The following CSMD3 variants were observed in gnomAD, a reference collection of about 807,000 sequenced individuals.
CSMD3 encodes CUB and Sushi multiple domains 3.
A neutral mutation model predicts 435.2 loss-of-function variants in CSMD3; 177 were observed. The ratio of observed to expected loss-of-function variants is 0.41; its 90% CI spans 0.36 to 0.46. The LOEUF (loss-of-function observed/expected upper bound fraction) is 0.46. CSMD3 is among the 20% of genes least tolerant of loss of function. The pLI is 0.34. For missense variants in CSMD3, 4,265 were observed against 4,504.6 expected, an observed-to-expected ratio of 0.95 and a Z score of 1.52; for synonymous variants, 1,656 against 1,520.5, an observed-to-expected ratio of 1.09 and a Z score of -2.07.
At chr8:112,235,255 G>A (rs1476234923) in intron 67 of CSMD3, among the ~76,000 whole-genome samples, 3 of 152,102 alleles carry the variant, frequency 2.0e-5, no homozygotes, top group African/African-American at 4.8e-5. Flanking sequence ...ATGGTGGCAC[G>A]CACCTGTAGT....
At chr8:112,424,223 A>G (rs911971254) in intron 32 of CSMD3, among the ~76,000 whole-genome samples, 2 of 152,200 alleles carry the variant, frequency 1.3e-5, no homozygotes, top group African/African-American at 4.8e-5. Context: ...AATAGAGGAA[A>G]AAAATAGTTT....
At chr8:112,569,894 T>C (rs1326956725) in intron 24 of CSMD3, among the ~76,000 whole-genome samples, 1 of 152,166 alleles carries the variant, frequency 6.6e-6, no homozygotes, top group African/African-American at 2.4e-5. Context: ...CTTTATGAAG[T>C]CTTACCTGAT....
intron 58 of CSMD3, among the ~76,000 whole-genome samples, chr8:112,284,990 T>TC (rs1400546754): frequency 6.6e-6 from 1 of 152,044 alleles, no homozygotes; most frequent in Non-Finnish European, 1.5e-5. Context: ...TTGAATTTTT[T>TC]CTATAGGTTA....
chr8:112,397,944 T>C (rs994439315), intron 35 of CSMD3, among the ~76,000 whole-genome samples: 1 of 152,342 alleles, frequency 6.6e-6, no homozygotes, highest in African/African-American at 2.4e-5. Flanking sequence ...CTAAATATCA[T>C]GTCAATCACA....
chr8:113,250,054 T>A (rs952124509), intron 3 of CSMD3, among the ~76,000 whole-genome samples: 4 of 152,130 alleles, frequency 2.6e-5, no homozygotes, highest in African/African-American at 9.6e-5. Context: ...CAGGTTCTTT[T>A]CTATGTCCTC....
intron 3 of CSMD3, among the ~76,000 whole-genome samples, chr8:113,228,012 T>A (rs1483766378): frequency 1.1e-4 from 17 of 151,632 alleles, no homozygotes; most frequent in Admixed American, 8.6e-4. Context: ...GTCATTTTTT[T>A]AAATTTCACC....
rs1587334060 is a variant in CSMD3 at position 112,800,364 on chromosome 8, T to C, written c.1860-90A>G. On this transcript the variant is annotated intron_variant, in intron 12 of 70. Coordinates refer to ENST00000297405, the MANE Select transcript of CSMD3 (RefSeq NM_198123.2). Reference sequence around the variant, plus strand: ...AAGACAGATGTGTTTCTCAATACTTTCTTTGCTAGAAAAAAAAGTCAGATA... The same window carrying C: ...AAGACAGATGTGTTTCTCAATACTTCCTTTGCTAGAAAAAAAAGTCAGATA... 2.6e-5 allele frequency: 23 copies of C among 894,284 alleles called. No individual in the cohort carries two copies. In the East Asian group the frequency reaches 4.6e-4, roughly 18 times the overall value. The allele number at this position is 894,284 out of a possible 1,614,324, so 55.4% of individuals were successfully genotyped here.
chr8:113,371,807 G>C (rs1435507425), intron 1 of CSMD3, among the ~76,000 whole-genome samples: 3 of 152,148 alleles, frequency 2.0e-5, no homozygotes, highest in Non-Finnish European at 4.4e-5. Context: ...AAACAACTGT[G>C]AAATAGGCTC....
intron 5 of CSMD3, among the ~76,000 whole-genome samples, chr8:113,087,696 C>CA (rs1318330033): frequency 2.0e-5 from 3 of 151,984 alleles, no homozygotes; most frequent in Non-Finnish European, 4.4e-5. Flanking sequence ...ACACCTTATA[C>CA]AAAAATTAAT....
chr8:112,641,517 G>A (rs75097092), intron 20 of CSMD3, among the ~76,000 whole-genome samples: 3,774 of 152,122 alleles, frequency 0.025, 173 homozygotes, highest in African/African-American at 0.085. Flanking sequence ...AAAGGGGTCC[G>A]TAGAGGGGTA....
intron 10 of CSMD3, among the ~76,000 whole-genome samples, chr8:112,885,753 GA>G (rs2081571999): frequency 6.6e-6 from 1 of 151,670 alleles, no homozygotes; most frequent in African/African-American, 2.4e-5. Context: ...ATTATGTCAA[GA>G]AAGAGATTGG....
intron 1 of CSMD3, among the ~76,000 whole-genome samples, chr8:113,397,853 T>G (rs1563781534): frequency 6.7e-6 from 1 of 149,462 alleles, no homozygotes; most frequent in Non-Finnish European, 1.5e-5. Context: ...AATAAATAAA[T>G]AAATAAATAA....
intron 3 of CSMD3, among the ~76,000 whole-genome samples, chr8:113,248,830 C>T (rs2132286253): frequency 6.6e-6 from 1 of 151,688 alleles, no homozygotes; most frequent in African/African-American, 2.4e-5. Flanking sequence ...GTTCAAGAAA[C>T]TTGAACTTTC....
At chr8:112,750,811 T>C (rs1026045741) in intron 13 of CSMD3, among the ~76,000 whole-genome samples, 2 of 152,144 alleles carry the variant, frequency 1.3e-5, no homozygotes, top group African/African-American at 4.8e-5. Flanking sequence ...GAAGGCCAAT[T>C]AAAGTACAGT....
Position 113,267,744 on chromosome 8 carries a change from TA to T in CSMD3, c.514+10847del, listed in dbSNP as rs200460492. Among the ~76,000 whole-genome samples the T allele has an allele frequency of 2.2e-4, 34 of 151,836 alleles. No individual in the cohort carries two copies. The East Asian group carries it at 6.6e-3, about 29-fold the overall frequency. On this transcript the variant is annotated intron_variant, in intron 3 of 70. Transcript: ENST00000297405. ...GTACCCAGATGATGGCCACCCTAAATATCTGACTCAATCACTACATATTTTA... is the reference window on the plus strand; with the variant it reads ...GTACCCAGATGATGGCCACCCTAAATTCTGACTCAATCACTACATATTTTA...
intron 1 of CSMD3, among the ~76,000 whole-genome samples, chr8:113,388,456 T>C (rs1437407016): frequency 2.6e-5 from 4 of 151,632 alleles, no homozygotes; most frequent in African/African-American, 9.7e-5. Flanking sequence ...ACCATCTGAT[T>C]TGTCACGTAG....
intron 7 of CSMD3, among the ~76,000 whole-genome samples, chr8:112,974,974 CAATT>C (rs1382075556): frequency 1.3e-4 from 20 of 151,340 alleles, no homozygotes; most frequent in African/African-American, 4.6e-4. Context: ...GAAATATGTT[CAATT>C]AATTAATGTT....
chr8:113,089,047 T>C (rs2089911365), intron 5 of CSMD3, among the ~76,000 whole-genome samples: 1 of 152,128 alleles, frequency 6.6e-6, no homozygotes, highest in South Asian at 2.1e-4. Flanking sequence ...CTTTCTTTTT[T>C]TTCTTTTGGA....
Position 112,813,057 on chromosome 8 carries a change from C to T in CSMD3, c.1860-12783G>A, listed in dbSNP as rs1225773032. On this transcript the variant is annotated intron_variant, in intron 12 of 70. Transcript: ENST00000297405. ...TGTCACACGACCAGGAAAGATTGGG[C>T]TCATAGAGACATCTAAGTGTTAACG... Among the ~76,000 whole-genome samples the T allele has an allele frequency of 2.6e-5, 4 of 152,116 alleles. No individual in the cohort carries two copies. The East Asian group carries it at 7.7e-4, about 29-fold the overall frequency.
Sources: gnomAD v4.1 joint callset for allele counts (sites outside exome capture counted in the v4.1 genomes callset) on GRCh38, gnomAD v4.1.1 for gene constraint, MANE v1.5 for transcripts, NCBI Gene and HGNC (gene_info 2026-07-23, HGNC 2026-07-21) for gene names.